Variants in GPM6A observed in about 807,000 individuals in gnomAD.
GPM6A encodes neuronal membrane glycoprotein M6-a.
In GPM6A, 7 loss-of-function variants were observed where a neutral mutation model predicts 32.1. The ratio of observed to expected loss-of-function variants is 0.22; its 90% CI spans 0.12 to 0.41. GPM6A has a LOEUF of 0.41. Ranked by LOEUF, GPM6A falls within the 10% of genes least tolerant of loss-of-function variation. The probability of loss-of-function intolerance (pLI) is 1.00; values close to 1 mark genes in which losing one functional copy is unlikely to be tolerated. For missense variants in GPM6A, 235 were observed against 347.2 expected (o/e 0.68, Z 2.57); for synonymous variants, 130 against 123.4 (o/e 1.05, Z -0.35).
At chr4:175,648,074 T>C (rs1431032249) in intron 4 of GPM6A, among the ~76,000 whole-genome samples, 1 of 152,168 alleles carries the variant, frequency 6.6e-6, no homozygotes, top group African/African-American at 2.4e-5. Flanking sequence ...TATTTATGCT[T>C]TACATAGTAT....
chr4:175,686,055 C>T (rs191166094), intron 2 of GPM6A, among the ~76,000 whole-genome samples: 114 of 152,238 alleles, frequency 7.5e-4, no homozygotes, highest in Non-Finnish European at 1.4e-3. Flanking sequence ...GGATTCTTCC[C>T]ATGGCAAAAA....
intron 3 of GPM6A, among the ~76,000 whole-genome samples, chr4:175,663,409 A>G (rs966210741): frequency 6.6e-6 from 1 of 152,220 alleles, no homozygotes; most frequent in Non-Finnish European, 1.5e-5. Flanking sequence ...GATACTGGTC[A>G]AAGCACACAA....
intron 1 of GPM6A, among the ~76,000 whole-genome samples, chr4:175,820,244 C>A (rs1207183170): frequency 6.6e-6 from 1 of 151,928 alleles, no homozygotes; most frequent in Non-Finnish European, 1.5e-5. Context: ...AAATAATAAA[C>A]ACTTGTACTA....
At chr4:175,649,359 TAA>T (rs1187767268) in intron 4 of GPM6A, among the ~76,000 whole-genome samples, 3 of 152,212 alleles carry the variant, frequency 2.0e-5, no homozygotes, top group African/African-American at 7.2e-5. Context: ...TGAGAATTAA[TAA>T]GTTTTTCTCT....
At chr4:175,647,126 C>T (rs1330054111) in intron 4 of GPM6A, among the ~76,000 whole-genome samples, 1 of 152,220 alleles carries the variant, frequency 6.6e-6, no homozygotes, top group Non-Finnish European at 1.5e-5. Context: ...AAACAAGCTG[C>T]TCTCGCTAAC....
At chr4:175,830,810 G>GT (rs200012528) in intron 1 of GPM6A, among the ~76,000 whole-genome samples, 1,552 of 143,904 alleles carry the variant, frequency 0.011, 20 homozygotes, top group African/African-American at 0.033. Flanking sequence ...CATTATTTCT[G>GT]TTTTTTTTTT....
At chr4:175,895,260 G>A (rs1417397600) in intron 1 of GPM6A, among the ~76,000 whole-genome samples, 1 of 151,984 alleles carries the variant, frequency 6.6e-6, no homozygotes, top group Non-Finnish European at 1.5e-5. Flanking sequence ...TTCTATAAGG[G>A]CTGGAATAAA....
chr4:175,741,503 G>A (rs895286031), intron 1 of GPM6A, among the ~76,000 whole-genome samples: 1 of 151,994 alleles, frequency 6.6e-6, no homozygotes, highest in Non-Finnish European at 1.5e-5. Flanking sequence ...TGGAATGCAC[G>A]ACCCTTCATT....
At chr4:175,738,383 T>C (rs577638225) in intron 1 of GPM6A, among the ~76,000 whole-genome samples, 3 of 152,272 alleles carry the variant, frequency 2.0e-5, no homozygotes, top group South Asian at 4.1e-4. Context: ...CTTCAGAAAA[T>C]GTCAGTATGC....
intron 1 of GPM6A, among the ~76,000 whole-genome samples, chr4:175,789,464 T>C (rs143801477): frequency 1.6e-3 from 248 of 152,316 alleles, no homozygotes; most frequent in African/African-American, 5.7e-3. Flanking sequence ...TTGTTTTTAT[T>C]ATTTTATTAT....
chr4:175,653,017 A>T (rs866560938), intron 3 of GPM6A, among the ~76,000 whole-genome samples: 3 of 152,058 alleles, frequency 2.0e-5, no homozygotes, highest in African/African-American at 7.2e-5. Flanking sequence ...ATGAAACTAG[A>T]CCTCTTATTC....
intron 1 of GPM6A, among the ~76,000 whole-genome samples, chr4:175,738,026 C>T (rs997388552): frequency 6.6e-6 from 1 of 151,920 alleles, no homozygotes; most frequent in Non-Finnish European, 1.5e-5. Flanking sequence ...CAACCTCCAC[C>T]TCCTGGATTC....
intron 1 of GPM6A, among the ~76,000 whole-genome samples, chr4:175,957,543 T>C (rs1740026545): frequency 1.5e-5 from 2 of 133,464 alleles, no homozygotes; most frequent in Non-Finnish European, 3.2e-5. Context: ...GAGGGGAACA[T>C]CACACAGCAG....
At chr4:175,775,467 C>T (rs1186678227) in intron 1 of GPM6A, among the ~76,000 whole-genome samples, 1 of 152,090 alleles carries the variant, frequency 6.6e-6, no homozygotes, top group Admixed American at 6.5e-5. Flanking sequence ...CAGAATTTCA[C>T]TAAAAACCCT....
chr4:175,741,266 G>C (rs372118341), intron 1 of GPM6A, among the ~76,000 whole-genome samples: 3 of 151,946 alleles, frequency 2.0e-5, no homozygotes, highest in East Asian at 3.9e-4. Context: ...TAGTTACTAG[G>C]CTCTGTTTAT....
intron 1 of GPM6A, among the ~76,000 whole-genome samples, chr4:175,730,580 C>T (rs1224761507): frequency 6.6e-6 from 1 of 152,084 alleles, no homozygotes; most frequent in Non-Finnish European, 1.5e-5. Flanking sequence ...ACGCCATTCT[C>T]CTGCCTCAGC....
chr4:175,910,430 C>T (rs1412879356), intron 1 of GPM6A, among the ~76,000 whole-genome samples: 1 of 152,144 alleles, frequency 6.6e-6, no homozygotes, highest in Non-Finnish European at 1.5e-5. Flanking sequence ...GCTGTTACTC[C>T]TCTTCTTAGT....
intron 1 of GPM6A, among the ~76,000 whole-genome samples, chr4:175,889,176 C>T (rs1042984197): frequency 2.6e-5 from 4 of 152,058 alleles, no homozygotes; most frequent in Non-Finnish European, 4.4e-5. Flanking sequence ...AAAAATAAAA[C>T]TTTATAACTT....
intron 1 of GPM6A, among the ~76,000 whole-genome samples, chr4:175,716,608 ATGAC>A: frequency 6.6e-6 from 1 of 152,326 alleles, no homozygotes; most frequent in African/African-American, 2.4e-5. Flanking sequence ...GATTATCAGT[ATGAC>A]TCTCCACCAA....
Sources: gnomAD v4.1 joint callset for allele counts (sites outside exome capture counted in the v4.1 genomes callset) on GRCh38, gnomAD v4.1.1 for gene constraint, MANE v1.5 for transcripts, NCBI Gene and HGNC (gene_info 2026-07-23, HGNC 2026-07-21) for gene names.